Variants in ARHGEF4 observed in about 807,000 individuals in gnomAD.
The protein encoded by ARHGEF4 is Rho guanine nucleotide exchange factor 4.
ARHGEF4 carries 119 observed loss-of-function variants against 162.0 expected under a neutral mutation model. The observed-to-expected ratio is 0.73, with a 90% CI of 0.63 to 0.86. ARHGEF4 has a LOEUF of 0.86. Ranked by LOEUF, ARHGEF4 falls within the 40% of genes least tolerant of loss-of-function variation. The pLI is 0.00. For synonymous variants in ARHGEF4, 1,014 were observed against 979.9 expected (o/e 1.03, Z -0.65); for missense variants, 2,488 against 2,456.0 (o/e 1.01, Z -0.28).
At chr2:130,867,628 A>G (rs1320918279) in intron 1 of ARHGEF4, among the ~76,000 whole-genome samples, 3 of 152,224 alleles carry the variant, frequency 2.0e-5, no homozygotes, top group Non-Finnish European at 2.9e-5. Context: ...AGAAAAGGAA[A>G]TAAATCAACA....
intron 1 of ARHGEF4, among the ~76,000 whole-genome samples, chr2:130,879,278 T>A (rs1221302087): frequency 6.6e-6 from 1 of 152,256 alleles, no homozygotes; most frequent in East Asian, 1.9e-4. Context: ...GTATGGAAGA[T>A]ATGTCTCTTT....
At chr2:130,957,519 A>G (rs1278897428) in intron 4 of ARHGEF4, among the ~76,000 whole-genome samples, 1 of 152,188 alleles carries the variant, frequency 6.6e-6, no homozygotes, top group East Asian at 1.9e-4. Context: ...GGGGGTGTTG[A>G]GAATGTTCTA....
At chr2:131,019,694 C>T (rs1051278108) in intron 4 of ARHGEF4, among the ~76,000 whole-genome samples, 5 of 151,898 alleles carry the variant, frequency 3.3e-5, no homozygotes, top group Admixed American at 1.3e-4. Flanking sequence ...AGTGCAGTGG[C>T]GCGATCTCGG....
intron 1 of ARHGEF4, among the ~76,000 whole-genome samples, chr2:130,894,050 G>C (rs532162900): frequency 2.0e-5 from 3 of 152,230 alleles, no homozygotes; most frequent in Admixed American, 2.0e-4. Context: ...GGCAGGCACC[G>C]GCACATCATC....
chr2:131,034,975 G>A (rs966135788), intron 5 of ARHGEF4: 3 of 984,026 alleles, frequency 3.0e-6, no homozygotes, highest in Non-Finnish European at 3.6e-6. Flanking sequence ...CGGCTTCGCG[G>A]GAGGAGCCCC....
At chr2:130,847,219 C>A (rs1292758377) in intron 1 of ARHGEF4, among the ~76,000 whole-genome samples, 1 of 152,212 alleles carries the variant, frequency 6.6e-6, no homozygotes, top group East Asian at 1.9e-4. Context: ...TCTGGCCTTT[C>A]CGGACACTGC....
chr2:131,046,033 T>A lies in ARHGEF4; in HGVS notation c.5480-5T>A. ...CATGACCCTCTGCTGTCTCTCCCTGTTCAGCTGTTGGCCGGCCCTGCTACC... is the reference window on the plus strand; with the variant it reads ...CATGACCCTCTGCTGTCTCTCCCTGATCAGCTGTTGGCCGGCCCTGCTACC... On this transcript the variant is annotated splice_region_variant and splice_polypyrimidine_tract_variant and intron_variant, in intron 13 of 13. Transcript: ENST00000409359. 1.2e-6 allele frequency: 2 copies of A among 1,609,574 alleles called. No homozygotes were observed. Among genetic ancestry groups the A allele is most frequent in the Non-Finnish European group, 1.7e-6 (2 of 1,177,652 alleles).
intron 4 of ARHGEF4, among the ~76,000 whole-genome samples, chr2:130,969,965 T>C (rs1245607972): frequency 1.3e-5 from 2 of 152,226 alleles, no homozygotes; most frequent in Non-Finnish European, 2.9e-5. Context: ...GCATTTATCC[T>C]TAGGTTTTTT....
At chr2:131,019,656 T>C (rs7420474) in intron 4 of ARHGEF4, among the ~76,000 whole-genome samples, 137,063 of 151,482 alleles carry the variant, frequency 0.9, 62,700 homozygotes, top group Non-Finnish European at 0.98. Flanking sequence ...TTTTTTGAGA[T>C]GGAGTCTCGC....
intron 8 of ARHGEF4, 139 bp from the exon 9 acceptor site, chr2:131,041,091 T>C: frequency 1.4e-6 from 1 of 705,854 alleles, no homozygotes. Context: ...GGGAAATAGG[T>C]ACACACAGCC....
intron 1 of ARHGEF4, among the ~76,000 whole-genome samples, chr2:130,854,858 AT>A (rs1440387044): frequency 0.012 from 1,154 of 96,982 alleles, 15 homozygotes; most frequent in African/African-American, 0.053. Context: ...TTATTTATTT[AT>A]TTATTTATTT....
At chr2:130,950,691 C>CCG (rs1217081870) in intron 4 of ARHGEF4, among the ~76,000 whole-genome samples, 2 of 143,404 alleles carry the variant, frequency 1.4e-5, no homozygotes, top group East Asian at 2.1e-4. Context: ...CTATTACCCC[C>CCG]CACCACCACC....
At chr2:131,002,036 A>G (rs1207615400) in intron 4 of ARHGEF4, among the ~76,000 whole-genome samples, 1 of 151,994 alleles carries the variant, frequency 6.6e-6, no homozygotes, top group Non-Finnish European at 1.5e-5. Flanking sequence ...TTTCTTTTCT[A>G]TTTTCTGTAC....
chr2:130,972,817 C>A (rs538641566), intron 4 of ARHGEF4, among the ~76,000 whole-genome samples: 20 of 152,184 alleles, frequency 1.3e-4, no homozygotes, highest in Admixed American at 1.2e-3. Flanking sequence ...ATTGTTTCCG[C>A]AATATACAAA....
At chr2:130,924,195 A>G (rs1359212999) in intron 2 of ARHGEF4, among the ~76,000 whole-genome samples, 2 of 151,574 alleles carry the variant, frequency 1.3e-5, no homozygotes, top group African/African-American at 4.9e-5. Context: ...TGCAGTCTTG[A>G]TAGGATTGTT....
At chr2:131,006,516 A>G (rs13017456) in intron 4 of ARHGEF4, among the ~76,000 whole-genome samples, 27,550 of 152,220 alleles carry the variant, frequency 0.18, 2,954 homozygotes, top group East Asian at 0.33. Context: ...ACTGTCAGCC[A>G]TTAGGGAATG....
chr2:130,968,212 A>G lies in ARHGEF4; in HGVS notation c.3985+21577A>G, dbSNP rs150058028. Among the ~76,000 whole-genome samples the G allele has an allele frequency of 3.1e-3, 477 of 152,284 alleles. 6 individuals are homozygous for G. The highest frequency in any genetic ancestry group is 0.028 in the Admixed American group (423 of 15,296). On this transcript the variant is annotated intron_variant, in intron 4 of 13. Coordinates refer to ENST00000409359, the MANE Select transcript of ARHGEF4 (RefSeq NM_001367493.1). ...AGGATATTCCTAGGGCTTAAAGGTG[A>G]TCTTGTAGGAGCCGGTCAAGGGCCA...
At chr2:131,045,988 G>A in intron 13 of ARHGEF4, 50 bp from the exon 14 acceptor site, 1 of 1,571,636 alleles carries the variant, frequency 6.4e-7, no homozygotes, top group African/African-American at 1.3e-5. Context: ...CAGCTGGGGT[G>A]GCACTCTGCC....
At chr2:130,888,781 A>G (rs1679673569) in intron 1 of ARHGEF4, among the ~76,000 whole-genome samples, 1 of 152,002 alleles carries the variant, frequency 6.6e-6, no homozygotes, top group Admixed American at 6.5e-5. Context: ...AAACATTACA[A>G]TATTTTCCTC....
Sources: gnomAD v4.1 joint callset for allele counts (sites outside exome capture counted in the v4.1 genomes callset) on GRCh38, gnomAD v4.1.1 for gene constraint, MANE v1.5 for transcripts, NCBI Gene and HGNC (gene_info 2026-07-23, HGNC 2026-07-21) for gene names.